Variants in MINAR1 observed in about 807,000 individuals in gnomAD.
MINAR1 encodes major intrinsically disordered Notch2-binding receptor 1.
In MINAR1, 40 loss-of-function variants were observed where a neutral mutation model predicts 65.1. That is an observed-to-expected ratio of 0.61 (90% confidence interval 0.48 to 0.80). The LOEUF (loss-of-function observed/expected upper bound fraction) is 0.80, where lower values mean the gene tolerates loss of function less well. Ranked by LOEUF, MINAR1 falls within the 30% of genes least tolerant of loss-of-function variation. The pLI is 0.00. For missense variants in MINAR1, 1,128 were observed against 1,148.0 expected (o/e 0.98, Z 0.25); for synonymous variants, 482 against 449.1 (o/e 1.07, Z -0.93).
At chr15:79,464,190 T>C (rs185404563) in intron 3 of MINAR1, among the ~76,000 whole-genome samples, 1 of 152,366 alleles carries the variant, frequency 6.6e-6, no homozygotes, top group African/African-American at 2.4e-5. Context: ...ACTCTTTCGC[T>C]GTGTGACCTG....
rs548782199 is a variant in MINAR1 at position 79,453,522 on chromosome 15, G to T, written c.-50-2576G>T. Among the ~76,000 whole-genome samples, 3 of 152,268 alleles carry T rather than the reference G, an allele frequency of 2.0e-5. No homozygotes were observed. The South Asian group carries it at 6.2e-4, about 32-fold the overall frequency. ...AGACTGCTGAGGGCTTCATGCTGGA[G>T]GCTGGATCCTGTTCCACTGCTACAG... is the stretch of plus-strand genomic sequence containing the variant. On this transcript the variant is annotated intron_variant, in intron 1 of 3. Transcript: ENST00000305428.
Position 79,468,354 on chromosome 15 carries a change from T to C in MINAR1, c.2721T>C (p.Ile907=). 2 of 1,614,096 alleles carry C rather than the reference T, an allele frequency of 1.2e-6. No individual in the cohort carries two copies. Among genetic ancestry groups the C allele is most frequent in the Non-Finnish European group, 1.7e-6 (2 of 1,180,002 alleles). The part of the protein sequence containing the change: ...AAAACTVILV[I]VVPICTMKS ...CGGCATGCACCGTCATCCTCGTTAT[T>C]GTCGTGCCCATCTGCACAATGAAAT... The change falls in exon 4 of 4, where the codon ATT becomes ATC. Residue 907 remains isoleucine (I), a synonymous_variant. Coordinates refer to ENST00000305428, the MANE Select transcript of MINAR1 (RefSeq NM_015206.3).
the MINAR1 span, chr15:79,416,223 A>G: frequency 5.9e-5 from 9 of 152,228 alleles, no homozygotes. Context: ...AGACACCACT[A>G]TGGACAGCTT....
intron 2 of MINAR1, among the ~76,000 whole-genome samples, chr15:79,459,156 G>A (rs1895549553): frequency 6.6e-6 from 1 of 151,600 alleles, no homozygotes; most frequent in Non-Finnish European, 1.5e-5. Flanking sequence ...TCCAGCCTGG[G>A]TAACAGAGCA....
At chr15:79,436,159 T>C (rs1894593668) in intron 1 of MINAR1, among the ~76,000 whole-genome samples, 1 of 152,196 alleles carries the variant, frequency 6.6e-6, no homozygotes, top group South Asian at 2.1e-4. Context: ...ACATGTAGCA[T>C]TGATAATAAA....
the MINAR1 span, chr15:79,411,737 C>G: frequency 2.1e-6 from 1 of 473,298 alleles, no homozygotes; most frequent in Non-Finnish European, 3.9e-6. Flanking sequence ...CTTGAGCTGG[C>G]AGGGAGAGTT....
rs772031549 is a variant in MINAR1, at chr15:79,457,612, G to C, written c.1465G>C (p.Asp489His). The stretch of plus-strand genomic sequence containing the variant: ...CGTGCTGGAGCCCAAGAAATGCAGA[G>C]ACCTGTGCACCTCTGGTCAGGGCAA... ...EHVLEPKKCR[D>H]LCTSGQGKYS... The change falls in exon 2 of 4, where the codon GAC becomes CAC. Residue 489 changes from aspartate to histidine, a missense_variant. By Grantham distance (81) the Asp-to-His change is moderately conservative (BLOSUM62 -1). Coordinates refer to ENST00000305428, the MANE Select transcript of MINAR1 (RefSeq NM_015206.3). 6 of 1,614,206 alleles carry C rather than the reference G, an allele frequency of 3.7e-6. No individual in the cohort carries two copies. In the Admixed American group the frequency reaches 5.0e-5, roughly 13 times the overall value.
chr15:79,456,301 T>TA lies in MINAR1; in HGVS notation c.155dup (p.Tyr52Ter). The change falls in exon 2 of 4, where the codon TAC (tyrosine) becomes TAAC (stop). Residue 52 changes from tyrosine to a stop codon, truncating the protein, a stop_gained and frameshift_variant. Transcript: ENST00000305428. LOFTEE classifies it high-confidence loss of function. ...QLAKLRSVLF[Y>*]TACLDPNFPA... The stretch of plus-strand genomic sequence containing the variant: ...TGCCAAACTGAGAAGTGTGCTCTTC[T>TA]ACACAGCTTGTCTCGATCCCAATTT... 1 of 1,614,204 alleles carries TA rather than the reference T, an allele frequency of 6.2e-7. No homozygotes were observed. The highest frequency in any genetic ancestry group is 8.5e-7 in the Non-Finnish European group (1 of 1,180,036).
upstream of MINAR1, among the ~76,000 whole-genome samples, chr15:79,430,339 GGA>G (rs1894408261): frequency 6.6e-6 from 1 of 151,896 alleles, no homozygotes; most frequent in African/African-American, 2.4e-5. Flanking sequence ...TGAAGAAACA[GGA>G]GAAAAAACAG....
chr15:79,451,825 C>T (rs1346060645), intron 1 of MINAR1, among the ~76,000 whole-genome samples: 7 of 152,114 alleles, frequency 4.6e-5, no homozygotes, highest in Non-Finnish European at 1.0e-4. Flanking sequence ...AGGCAATGTG[C>T]GGCATCATGG....
intron 1 of MINAR1, among the ~76,000 whole-genome samples, chr15:79,436,801 G>A (rs1013062660): frequency 1.3e-5 from 2 of 152,140 alleles, no homozygotes; most frequent in Non-Finnish European, 2.9e-5. Context: ...TTAGCCAATG[G>A]GAGCTCACAT....
At position 79,457,401 on chromosome 15, in the gene MINAR1, G is replaced by A. The variant is rs747321344; in HGVS notation, c.1254G>A (p.Lys418=). 1 of 1,614,166 alleles carries A rather than the reference G, an allele frequency of 6.2e-7. No homozygotes were observed. The highest frequency in any genetic ancestry group is 8.5e-7 in the Non-Finnish European group (1 of 1,180,030). Residue 418 remains lysine (K), a synonymous_variant, in exon 2 of 4, where the codon AAG becomes AAA. Transcript: ENST00000305428. The part of the protein sequence containing the change: ...PERRPTYLVP[K]DQQPILPIAY... ...GGCGCCCAACTTACCTTGTGCCAAA[G>A]GATCAACAGCCAATTCTCCCCATTG...
chr15:79,429,208 T>G (rs77114126), upstream of MINAR1, among the ~76,000 whole-genome samples: 9,958 of 152,278 alleles, frequency 0.065, 379 homozygotes, highest in Middle Eastern at 0.11. Flanking sequence ...TTATTGAGAC[T>G]GGATCACATG....
chr15:79,455,970 T>C, intron 1 of MINAR1, 128 bp from the exon 2 acceptor site: 1 of 599,284 alleles, frequency 1.7e-6, no homozygotes, highest in Non-Finnish European at 2.9e-6. Context: ...CTGTCCTTAT[T>C]ACATTTTTAA....
At chr15:79,422,220 G>C in the MINAR1 span, 1 of 152,140 alleles carries the variant, frequency 6.6e-6, no homozygotes, top group Non-Finnish European at 1.5e-5. Flanking sequence ...TCACAGTCAG[G>C]AGGCACCACT....
At chr15:79,461,028 C>T (rs1223535386) in intron 2 of MINAR1, among the ~76,000 whole-genome samples, 1 of 152,250 alleles carries the variant, frequency 6.6e-6, no homozygotes, top group Non-Finnish European at 1.5e-5. Context: ...AGGCCCCTTA[C>T]TTCATAAGTC....
the MINAR1 span, chr15:79,416,920 CAG>C: frequency 2.6e-5 from 4 of 152,424 alleles, no homozygotes; most frequent in South Asian, 8.3e-4. Flanking sequence ...CATTTGGACA[CAG>C]GGGAGGCCTT....
At chr15:79,440,010 A>T (rs896584388) in intron 1 of MINAR1, among the ~76,000 whole-genome samples, 1 of 152,120 alleles carries the variant, frequency 6.6e-6, no homozygotes, top group Non-Finnish European at 1.5e-5. Context: ...GGGGAAGGAG[A>T]CACAATGTGA....
Position 79,458,408 on chromosome 15 carries a change from C to T in MINAR1, c.2261C>T (p.Pro754Leu), listed in dbSNP as rs1895521786. The T allele has an allele frequency of 6.2e-7, 1 of 1,612,464 alleles. No individual in the cohort carries two copies. Among genetic ancestry groups the T allele is most frequent in the African/African-American group, 1.3e-5 (1 of 74,800 alleles). ...LNEEEIKDTG[P>L]GDNKDWHRKS... is the part of the protein sequence containing the mutation. ...GAGGAGGAGATAAAAGACACAGGCCCAGGAGATAATAAAGACTGGCATCGG... is the reference window on the plus strand; with the variant it reads ...GAGGAGGAGATAAAAGACACAGGCCTAGGAGATAATAAAGACTGGCATCGG... Residue 754 changes from proline to leucine, a missense_variant, in exon 2 of 4, where the codon CCA becomes CTA. Coordinates refer to ENST00000305428, the MANE Select transcript of MINAR1 (RefSeq NM_015206.3).
Sources: allele counts gnomAD v4.1 joint callset (sites outside exome capture counted in the v4.1 genomes callset), GRCh38; gene constraint gnomAD v4.1.1; transcripts MANE v1.5; gene names NCBI Gene and HGNC (gene_info 2026-07-23, HGNC 2026-07-21).